Variants in ESF1 observed in about 807,000 individuals in gnomAD.
ESF1 encodes the protein ESF1 nucleolar pre-rRNA processing protein.
ESF1 carries 58 observed loss-of-function variants against 92.0 expected under a neutral mutation model. The observed-to-expected ratio is 0.63, with a 90% CI of 0.51 to 0.78. The LOEUF (loss-of-function observed/expected upper bound fraction) is 0.78, where lower values mean the gene tolerates loss of function less well. Ranked by LOEUF, ESF1 falls within the 30% of genes least tolerant of loss-of-function variation. The pLI, the probability that ESF1 is intolerant of heterozygous loss-of-function variation, is 0.00. For missense variants in ESF1, 922 were observed against 989.1 expected (o/e 0.93, Z 0.91); for synonymous variants, 321 against 313.7 (o/e 1.02, Z -0.24).
At chr20:13,729,536 G>C (rs979706832) in intron 10 of ESF1, among the ~76,000 whole-genome samples, 6 of 152,192 alleles carry the variant, frequency 3.9e-5, no homozygotes, top group Middle Eastern at 3.2e-3. Flanking sequence ...GTGATGGGAG[G>C]TGGCATTTTC....
At chr20:13,730,168 G>T (rs1220296529) in intron 10 of ESF1, among the ~76,000 whole-genome samples, 1 of 151,862 alleles carries the variant, frequency 6.6e-6, no homozygotes, top group East Asian at 1.9e-4. Flanking sequence ...TGACTCCCAG[G>T]TTCAAGCGAT....
chr20:13,763,655 T>C (rs1457351975), intron 8 of ESF1, among the ~76,000 whole-genome samples: 1 of 152,100 alleles, frequency 6.6e-6, no homozygotes, highest in East Asian at 1.9e-4. Flanking sequence ...AAGACACAGA[T>C]AGAGGAAAAT....
At chr20:13,758,336 T>C (rs1224076657) in intron 9 of ESF1, among the ~76,000 whole-genome samples, 1 of 152,224 alleles carries the variant, frequency 6.6e-6, no homozygotes. Flanking sequence ...ACTTGTCATA[T>C]GATACACCAG....
At position 13,759,870 on chromosome 20, in the gene ESF1, T is replaced by C. The variant is rs752563063; in HGVS notation, c.1667-17A>G. The stretch of plus-strand genomic sequence containing the variant: ...CATCATCACCTAATGAAAAAAAAAT[T>C]CACTTAATACACAGAAACAATTCAT... On this transcript the variant is annotated splice_polypyrimidine_tract_variant and intron_variant, in intron 8 of 13. Coordinates refer to ENST00000617257, the MANE Select transcript of ESF1 (RefSeq NM_001276380.2). 6.3e-7 allele frequency: 1 copy of C among 1,576,178 alleles called. No individual in the cohort carries two copies. Among genetic ancestry groups the C allele is most frequent in the East Asian group, 2.3e-5 (1 of 43,906 alleles).
intron 11 of ESF1, among the ~76,000 whole-genome samples, chr20:13,722,412 G>T (rs1203354950): frequency 1.3e-5 from 2 of 152,116 alleles, no homozygotes; most frequent in East Asian, 1.9e-4. Flanking sequence ...AATATTAAGA[G>T]ATCACATCTA....
intron 9 of ESF1, among the ~76,000 whole-genome samples, chr20:13,753,823 G>A (rs1978750140): frequency 6.6e-6 from 1 of 152,126 alleles, no homozygotes; most frequent in Admixed American, 6.5e-5. Context: ...ATTTATGCCT[G>A]AGGTTGCAAT....
chr20:13,724,549 T>A (rs2049888693), intron 11 of ESF1, among the ~76,000 whole-genome samples: 1 of 152,208 alleles, frequency 6.6e-6, no homozygotes, highest in African/African-American at 2.4e-5. Flanking sequence ...TTCTTCCTTA[T>A]GTCTTCTGGA....
At position 13,731,468 on chromosome 20, in the gene ESF1, C is replaced by T. The variant is rs574511385; in HGVS notation, c.1950+2253G>A. 2.1e-5 allele frequency among the ~76,000 whole-genome samples: 3 copies of T among 141,142 alleles called. No homozygotes were observed. In the South Asian group the frequency reaches 6.7e-4, roughly 32 times the overall value. The allele number at this position is 141,142 out of a possible 152,430, so 92.6% of individuals were successfully genotyped here. Reference sequence around the variant, plus strand: ...AATGGTGTGAACCCGGGAGGTGGAGCTTGCAGTGAGCCGAGATCAGGCCAC... The same window carrying T: ...AATGGTGTGAACCCGGGAGGTGGAGTTTGCAGTGAGCCGAGATCAGGCCAC... On this transcript the variant is annotated intron_variant, in intron 10 of 13. Coordinates refer to ENST00000617257, the MANE Select transcript of ESF1 (RefSeq NM_001276380.2).
intron 9 of ESF1, among the ~76,000 whole-genome samples, chr20:13,737,380 A>T (rs573400963): frequency 6.6e-6 from 1 of 152,198 alleles, no homozygotes; most frequent in Non-Finnish European, 1.5e-5. Flanking sequence ...AACACACAAA[A>T]ATAAGAGTAT....
rs151272252 is a variant in ESF1 at position 13,736,710 on chromosome 20, G to A, written c.1829-2868C>T. ...AATAAATGGCCTTGATCCTCAAGTG[G>A]TTCATGTGGTTAAAAACAAAAAAGA... is the stretch of plus-strand genomic sequence containing the variant. On this transcript the variant is annotated intron_variant, in intron 9 of 13. Coordinates refer to ENST00000617257, the MANE Select transcript of ESF1 (RefSeq NM_001276380.2). 1.6e-3 allele frequency among the ~76,000 whole-genome samples: 251 copies of A among 152,162 alleles called. 2 individuals carry two copies. The highest frequency in any genetic ancestry group is 5.8e-3 in the African/African-American group (242 of 41,510).
chr20:13,748,312 T>A (rs199647744), intron 9 of ESF1, among the ~76,000 whole-genome samples: 1 of 151,914 alleles, frequency 6.6e-6, no homozygotes, highest in Non-Finnish European at 1.5e-5. Context: ...AAGAACTTAA[T>A]GTAGTATTGT....
chr20:13,738,745 T>C (rs12329473), intron 9 of ESF1, among the ~76,000 whole-genome samples: 2,389 of 152,268 alleles, frequency 0.016, 71 homozygotes, highest in African/African-American at 0.055. Flanking sequence ...GCAAGCTCCA[T>C]GAGGGCAAAG....
chr20:13,716,247 C>T (rs1395801923), intron 13 of ESF1, among the ~76,000 whole-genome samples: 4 of 151,990 alleles, frequency 2.6e-5, no homozygotes, highest in South Asian at 2.1e-4. Context: ...TTTTGGTAGA[C>T]GGCTCAAACT....
At chr20:13,756,221 A>G (rs1978887545) in intron 9 of ESF1, among the ~76,000 whole-genome samples, 2 of 152,226 alleles carry the variant, frequency 1.3e-5, no homozygotes, top group South Asian at 4.1e-4. Flanking sequence ...AGATTGCTCA[A>G]TGATCTTATA....
chr20:13,776,148 C>T lies in ESF1; in HGVS notation c.760G>A (p.Glu254Lys). 1 of 1,613,714 alleles carries T rather than the reference C, an allele frequency of 6.2e-7. No homozygotes were observed. The change falls in exon 3 of 14, where the codon GAA (glutamate) becomes AAA (lysine). Residue 254 changes from glutamate to lysine, a missense_variant. Transcript: ENST00000617257. ...ESVSEIGSDE[E>K]SENEITSVGR... ...ACACTTGTAATTTCATTTTCAGATTCCTCATCACTTCCTATTTCACTAACG... is the reference window on the plus strand; with the variant it reads ...ACACTTGTAATTTCATTTTCAGATTTCTCATCACTTCCTATTTCACTAACG...
intron 7 of ESF1, among the ~76,000 whole-genome samples, chr20:13,769,420 CAGGTTCACAGATATGGTAG>C (rs1374814755): frequency 6.6e-6 from 1 of 152,160 alleles, no homozygotes; most frequent in Non-Finnish European, 1.5e-5. Flanking sequence ...AATCTGAAAA[CAGGTTCACAGATATGGTAG>C]AGGCAGACAC....
chr20:13,720,813 A>G (rs932550783), intron 11 of ESF1, among the ~76,000 whole-genome samples: 8 of 152,236 alleles, frequency 5.3e-5, no homozygotes, highest in African/African-American at 1.9e-4. Flanking sequence ...TCAATGTATA[A>G]ATTTTCATAA....
intron 8 of ESF1, among the ~76,000 whole-genome samples, chr20:13,761,497 A>G (rs575998733): frequency 3.8e-4 from 58 of 151,974 alleles, no homozygotes; most frequent in Non-Finnish European, 6.5e-4. Flanking sequence ...TGTTATGCTG[A>G]ATAAATGTAG....
intron 9 of ESF1, among the ~76,000 whole-genome samples, chr20:13,737,411 A>T (rs1379655260): frequency 1.3e-5 from 2 of 152,240 alleles, no homozygotes; most frequent in African/African-American, 4.8e-5. Context: ...TACCTTATTC[A>T]TTTGAAATAT....
Sources: gnomAD v4.1 joint callset for allele counts (sites outside exome capture counted in the v4.1 genomes callset) on GRCh38, gnomAD v4.1.1 for gene constraint, MANE v1.5 for transcripts, NCBI Gene and HGNC (gene_info 2026-07-23, HGNC 2026-07-21) for gene names.